TMEM255B: variants seen among roughly 807,000 people sequenced by gnomAD.
TMEM255B encodes the protein family with sequence similarity 70, member B.
In TMEM255B, 35 loss-of-function variants were observed where a neutral mutation model predicts 34.5. The ratio of observed to expected loss-of-function variants is 1.01; its 90% CI spans 0.77 to 1.34. The LOEUF (loss-of-function observed/expected upper bound fraction) is 1.34. TMEM255B is among the 40% of genes most tolerant of loss of function. The pLI is 0.00. For synonymous variants in TMEM255B, 206 were observed against 201.2 expected (o/e 1.02, Z -0.20); for missense variants, 432 against 433.2 (o/e 1.00, Z 0.02).
At chr13:113,800,017 C>T (rs1212076309) in intron 5 of TMEM255B, 10 of 1,232,296 alleles carry the variant, frequency 8.1e-6, no homozygotes, top group Admixed American at 5.2e-5. Context: ...CAGTGGCCAG[C>T]ACCTGCCAGC....
Position 113,812,140 on chromosome 13 carries a change from C to T in TMEM255B, c.*237C>T, listed in dbSNP as rs563350692. ...CTTGGGCTCTGCTCACATCAAATGG[C>T]GCTGAAAGTTCCCACCCGGCCTCCT... On this transcript the variant is annotated 3_prime_UTR_variant, in exon 9 of 9. Coordinates refer to ENST00000375353, the MANE Select transcript of TMEM255B (RefSeq NM_182614.4). 1.9e-5 allele frequency: 10 copies of T among 534,628 alleles called. No homozygotes were observed. Among genetic ancestry groups the T allele is most frequent in the South Asian group, 5.4e-5 (2 of 36,764 alleles). 33.1% of individuals were successfully genotyped at this position (534,628 alleles called of 1,614,324 possible).
chr13:113,792,098 G>A (rs1418259804), intron 3 of TMEM255B, among the ~76,000 whole-genome samples: 1 of 152,250 alleles, frequency 6.6e-6, no homozygotes, highest in Non-Finnish European at 1.5e-5. Context: ...GCCCCGACTG[G>A]GAAACCTCAA....
chr13:113,800,948 C>T lies in TMEM255B; in HGVS notation c.509+36C>T, dbSNP rs41284484. ...CCGGGGACCCCCATATCTACACCTG[C>T]GGGAGGTGAGGGGCGCTGGGGACCC... On this transcript the variant is annotated intron_variant, in intron 6 of 8. Transcript: ENST00000375353. 4.1e-5 allele frequency: 49 copies of T among 1,189,866 alleles called. 3 individuals carry two copies. The highest frequency in any genetic ancestry group is 2.5e-4 in the South Asian group (18 of 73,314). The allele number at this position is 1,189,866 out of a possible 1,614,324, so 73.7% of individuals were successfully genotyped here. A position where few individuals can be genotyped will look rare whatever the true frequency, so the allele number is the denominator to read the frequency against.
chr13:113,800,703 G>A, intron 5 of TMEM255B, 124 bp from the exon 6 acceptor site: 2 of 850,042 alleles, frequency 2.4e-6, no homozygotes, highest in Non-Finnish European at 3.8e-6. Context: ...GAAAGTCGGG[G>A]GAGGCAGCTG....
chr13:113,795,248 T>G lies in TMEM255B; in HGVS notation c.342+11T>G. 1 of 1,612,284 alleles carries G rather than the reference T, an allele frequency of 6.2e-7. No homozygotes were observed. The highest frequency in any genetic ancestry group is 8.5e-7 in the Non-Finnish European group (1 of 1,178,992). ...GCAGCACAGCACATTGTGAGTACAT[T>G]GTCATTGTGTGCACAGTCGCTTTCC... is the stretch of plus-strand genomic sequence containing the variant. On this transcript the variant is annotated intron_variant, in intron 4 of 8. Transcript: ENST00000375353.
chr13:113,759,765 T>C (rs1266841938), intron 1 of TMEM255B, among the ~76,000 whole-genome samples: 2 of 152,192 alleles, frequency 1.3e-5, no homozygotes, highest in African/African-American at 4.8e-5. Context: ...AGGTAGCCTT[T>C]TCCTGTTTGA....
In TMEM255B at chr13:113,813,327, C is replaced by T. The variant is rs2138594746; in HGVS notation, c.*1424C>T. 6.6e-6 allele frequency: 1 copy of T among 152,476 alleles called. No individual in the cohort carries two copies. Among genetic ancestry groups the T allele is most frequent in the East Asian group, 1.9e-4 (1 of 5,158 alleles). 9.4% of individuals were successfully genotyped at this position (152,476 alleles called of 1,614,324 possible). On this transcript the variant is annotated 3_prime_UTR_variant, in exon 9 of 9. Coordinates refer to ENST00000375353, the MANE Select transcript of TMEM255B (RefSeq NM_182614.4). The stretch of plus-strand genomic sequence containing the variant: ...TCACCGCTCTCAGGGCCTCACGTCC[C>T]TCCCTGCAAAGCCCCCCGTGCCTAC...
chr13:113,766,832 G>A (rs1350260210), intron 2 of TMEM255B, among the ~76,000 whole-genome samples: 4 of 152,248 alleles, frequency 2.6e-5, no homozygotes, highest in African/African-American at 9.6e-5. Flanking sequence ...CGTCAGGCCA[G>A]ATTTTGAACA....
intron 1 of TMEM255B, among the ~76,000 whole-genome samples, chr13:113,762,994 T>C (rs1644677635): frequency 6.6e-6 from 1 of 152,244 alleles, no homozygotes; most frequent in South Asian, 2.1e-4. Flanking sequence ...TGTATTGCTC[T>C]TAAAATACAT....
Position 113,813,380 on chromosome 13 carries a change from G to C in TMEM255B, c.*1477G>C, listed in dbSNP as rs953872325. 1 of 152,302 alleles carries C rather than the reference G, an allele frequency of 6.6e-6. No individual in the cohort carries two copies. The highest frequency in any genetic ancestry group is 1.5e-5 in the Non-Finnish European group (1 of 68,104). The allele number at this position is 152,302 out of a possible 1,614,324, so 9.4% of individuals were successfully genotyped here. A position where few individuals can be genotyped will look rare whatever the true frequency, so the allele number is the denominator to read the frequency against. On this transcript the variant is annotated 3_prime_UTR_variant, in exon 9 of 9. Transcript: ENST00000375353. Reference sequence around the variant, plus strand: ...TAAACAAGTACCGCTCTTCTCCCGTGTGGGTCTGAGGTCTCCAGCTTACTT... The same window carrying C: ...TAAACAAGTACCGCTCTTCTCCCGTCTGGGTCTGAGGTCTCCAGCTTACTT...
At chr13:113,775,757 G>T (rs983150763) in intron 3 of TMEM255B, among the ~76,000 whole-genome samples, 2 of 152,216 alleles carry the variant, frequency 1.3e-5, no homozygotes, top group African/African-American at 2.4e-5. Context: ...GTCCTGCCGG[G>T]CCCACAGCCT....
rs2051392865 is a variant in TMEM255B at position 113,815,605 on chromosome 13, C to T, written c.*3702C>T. ...TTGATCAGGATTTCCGCTTTTGCTT[C>T]TTCCTCATTTTCTCTTGCTCCTGCC... On this transcript the variant is annotated 3_prime_UTR_variant, in exon 9 of 9. Coordinates refer to ENST00000375353, the MANE Select transcript of TMEM255B (RefSeq NM_182614.4). 1 of 153,724 alleles carries T rather than the reference C, an allele frequency of 6.5e-6. No individual in the cohort carries two copies. The highest frequency in any genetic ancestry group is 1.4e-5 in the Non-Finnish European group (1 of 69,084). 9.5% of individuals were successfully genotyped at this position (153,724 alleles called of 1,614,324 possible).
rs2051400133 is a variant in TMEM255B, at chr13:113,816,174, T to C, written c.*4271T>C. ...TACTGGTCAGGGACACGAGTTCTTT[T>C]CGGGGAGGCAAGCGTGTTTGCAGCG... On this transcript the variant is annotated 3_prime_UTR_variant, in exon 9 of 9. Coordinates refer to ENST00000375353, the MANE Select transcript of TMEM255B (RefSeq NM_182614.4). 1.3e-5 allele frequency: 2 copies of C among 152,290 alleles called. 1 individual carries two copies. The highest frequency in any genetic ancestry group is 2.8e-5 in the Non-Finnish European group (2 of 70,250). The allele number at this position is 152,290 out of a possible 1,614,324, so 9.4% of individuals were successfully genotyped here.
intron 3 of TMEM255B, among the ~76,000 whole-genome samples, chr13:113,788,781 C>T (rs2050782647): frequency 6.6e-6 from 1 of 152,140 alleles, no homozygotes; most frequent in African/African-American, 2.4e-5. Context: ...CCGTCACCTC[C>T]TGCCTGGGCC....
rs751637796 is a variant in TMEM255B, at chr13:113,766,130, GGAA to G, written c.68_70del (p.Lys23del). The G allele has an allele frequency of 6.2e-7, 1 of 1,614,204 alleles. No individual in the cohort carries two copies. The highest frequency in any genetic ancestry group is 8.5e-7 in the Non-Finnish European group (1 of 1,180,038). On this transcript the variant is annotated inframe_deletion, in exon 2 of 9. Coordinates refer to ENST00000375353, the MANE Select transcript of TMEM255B (RefSeq NM_182614.4). ...CTCCCCACAGAAGGGCTTTCGAGGA[GGAA>G]GAAGACGTCGCTCTGGTTTGTGGGG...
chr13:113,759,859 G>A (rs1264861839), intron 1 of TMEM255B, among the ~76,000 whole-genome samples: 2 of 152,264 alleles, frequency 1.3e-5, no homozygotes, highest in East Asian at 3.9e-4. Flanking sequence ...GTGTGTTCAC[G>A]GAATCTCCAA....
chr13:113,799,278 T>C, intron 4 of TMEM255B, 61 bp from the exon 5 acceptor site: 1 of 1,557,558 alleles, frequency 6.4e-7, no homozygotes, highest in East Asian at 2.3e-5. Context: ...TGAAATTGCC[T>C]CTGGCCTCTC....
chr13:113,804,604 CCGGGCCGGGG>C (rs2051129564), intron 7 of TMEM255B, among the ~76,000 whole-genome samples: 6 of 150,522 alleles, frequency 4.0e-5, no homozygotes, highest in South Asian at 2.1e-4. Context: ...TAAACGCACG[CCGGGCCGGGG>C]TTAGCTCCAG....
At position 113,788,613 on chromosome 13, in the gene TMEM255B, G is replaced by GAT. The variant is rs568023434; in HGVS notation, c.253-6533_253-6532dup. The stretch of plus-strand genomic sequence containing the variant: ...CCATCTTAGCCGTCATCGTGTGGGT[G>GAT]ATAACAGACCTGTGAGATGGAAGTG... On this transcript the variant is annotated intron_variant, in intron 3 of 8. Coordinates refer to ENST00000375353, the MANE Select transcript of TMEM255B (RefSeq NM_182614.4). Among the ~76,000 whole-genome samples the GAT allele has an allele frequency of 4.6e-4, 70 of 152,214 alleles. No individual in the cohort carries two copies. In the East Asian group the frequency reaches 0.01, roughly 23 times the overall value.
Sources: allele counts gnomAD v4.1 joint callset (sites outside exome capture counted in the v4.1 genomes callset), GRCh38; gene constraint gnomAD v4.1.1; transcripts MANE v1.5; gene names NCBI Gene and HGNC (gene_info 2026-07-23, HGNC 2026-07-21).